Variants in NLGN1 observed in about 807,000 individuals in gnomAD.
NLGN1 encodes neuroligin 1, also known as neuroligin-1.
In NLGN1, 12 loss-of-function variants were observed where a neutral mutation model predicts 65.5. The ratio of observed to expected loss-of-function variants is 0.18; its 90% CI spans 0.12 to 0.30. The LOEUF is 0.30. NLGN1 is among the 10% of genes least tolerant of loss of function. NLGN1 has a pLI of 1.00. For synonymous variants in NLGN1, 350 were observed against 359.5 expected, an observed-to-expected ratio of 0.97 and a Z score of 0.30; for missense variants, 750 against 1,007.1, an observed-to-expected ratio of 0.74 and a Z score of 3.46.
intron 3 of NLGN1, among the ~76,000 whole-genome samples, chr3:173,707,800 C>T (rs1340936463): frequency 6.6e-6 from 1 of 152,152 alleles, no homozygotes; most frequent in Non-Finnish European, 1.5e-5. Context: ...AGCTTGCCTG[C>T]TGCCAATATT....
At chr3:173,696,114 A>G (rs747192921) in intron 3 of NLGN1, among the ~76,000 whole-genome samples, 7 of 152,190 alleles carry the variant, frequency 4.6e-5, no homozygotes, top group Non-Finnish European at 7.3e-5. Flanking sequence ...GCCTGGCCTT[A>G]TTTATAATTC....
intron 4 of NLGN1, among the ~76,000 whole-genome samples, chr3:174,124,722 G>A (rs573312441): frequency 8.8e-5 from 13 of 148,554 alleles, no homozygotes; most frequent in South Asian, 2.1e-4. Context: ...ATATTTATAC[G>A]TATATGTGTA....
chr3:173,499,642 G>T (rs959539749), intron 2 of NLGN1, among the ~76,000 whole-genome samples: 1 of 151,710 alleles, frequency 6.6e-6, no homozygotes, highest in African/African-American at 2.4e-5. Context: ...AAATTACCTC[G>T]GGCAGTGTGG....
chr3:173,569,403 A>AT (rs1039185647), intron 2 of NLGN1, among the ~76,000 whole-genome samples: 1 of 151,890 alleles, frequency 6.6e-6, no homozygotes, highest in African/African-American at 2.4e-5. Flanking sequence ...GCTTTTATTA[A>AT]TTTTTTTAAA....
At chr3:173,451,966 C>G (rs1268532951) in intron 2 of NLGN1, among the ~76,000 whole-genome samples, 1 of 152,176 alleles carries the variant, frequency 6.6e-6, no homozygotes, top group African/African-American at 2.4e-5. Context: ...TCACCTGTTT[C>G]TTTGACTAGG....
chr3:174,063,316 G>C (rs1252355178), intron 4 of NLGN1, among the ~76,000 whole-genome samples: 1 of 152,128 alleles, frequency 6.6e-6, no homozygotes, highest in African/African-American at 2.4e-5. Flanking sequence ...AACTGGCAAA[G>C]TTCATCACTG....
At chr3:173,897,924 G>T (rs1225438270) in intron 4 of NLGN1, among the ~76,000 whole-genome samples, 2 of 152,100 alleles carry the variant, frequency 1.3e-5, no homozygotes, top group Non-Finnish European at 2.9e-5. Context: ...ATTTGTAAAA[G>T]CCATGGTGTA....
rs547440255 is a variant in NLGN1, at chr3:173,653,844, T to A, written c.493+48753T>A. Among the ~76,000 whole-genome samples, 12 of 152,158 alleles carry A rather than the reference T, an allele frequency of 7.9e-5. No homozygotes were observed. The East Asian group carries it at 2.3e-3, about 29-fold the overall frequency. ...CCTCAGTTTTAGGAACTGAGGAAGT[T>A]CCTTTCTAGCAACCTCTTAGGACCC... On this transcript the variant is annotated intron_variant, in intron 3 of 6. Transcript: ENST00000457714.
At chr3:174,016,365 G>C (rs1461402606) in intron 4 of NLGN1, among the ~76,000 whole-genome samples, 1 of 152,208 alleles carries the variant, frequency 6.6e-6, no homozygotes, top group African/African-American at 2.4e-5. Flanking sequence ...TACTCAGACT[G>C]TCTTATGACT....
At chr3:173,571,953 T>C (rs1347538400) in intron 2 of NLGN1, among the ~76,000 whole-genome samples, 4 of 152,220 alleles carry the variant, frequency 2.6e-5, no homozygotes, top group Non-Finnish European at 1.5e-5. Flanking sequence ...TTTCTACAAA[T>C]ATTACAGCCA....
chr3:173,507,190 GAATT>G (rs1188030135), intron 2 of NLGN1, among the ~76,000 whole-genome samples: 8 of 152,056 alleles, frequency 5.3e-5, no homozygotes, highest in Admixed American at 5.3e-4. Context: ...TGATGAGAAA[GAATT>G]AACCTCAGGT....
At chr3:173,830,378 G>A (rs1722292363) in intron 4 of NLGN1, among the ~76,000 whole-genome samples, 1 of 152,128 alleles carries the variant, frequency 6.6e-6, no homozygotes, top group Non-Finnish European at 1.5e-5. Flanking sequence ...TAAACAATAG[G>A]TTAGTGGCTT....
At chr3:173,511,157 T>C (rs59751055) in intron 2 of NLGN1, among the ~76,000 whole-genome samples, 1,974 of 152,310 alleles carry the variant, frequency 0.013, 39 homozygotes, top group African/African-American at 0.045. Context: ...CAGCTATTCC[T>C]TTAGACCAGT....
intron 2 of NLGN1, among the ~76,000 whole-genome samples, chr3:173,517,206 T>G (rs1733949845): frequency 6.6e-6 from 1 of 152,078 alleles, no homozygotes; most frequent in Admixed American, 6.6e-5. Flanking sequence ...TATCTATCTC[T>G]TCCAGTATGA....
At chr3:173,794,899 C>T (rs1175108287) in intron 3 of NLGN1, among the ~76,000 whole-genome samples, 1 of 152,066 alleles carries the variant, frequency 6.6e-6, no homozygotes, top group Non-Finnish European at 1.5e-5. Flanking sequence ...TACAAATGAG[C>T]TCTTCTCAGT....
intron 4 of NLGN1, among the ~76,000 whole-genome samples, chr3:173,943,439 G>A (rs1374828815): frequency 1.3e-5 from 2 of 152,158 alleles, no homozygotes; most frequent in Admixed American, 6.6e-5. Flanking sequence ...TAGAAAACAA[G>A]TGAGTTCAGG....
At chr3:174,038,991 G>C (rs1299487965) in intron 4 of NLGN1, among the ~76,000 whole-genome samples, 2 of 152,178 alleles carry the variant, frequency 1.3e-5, no homozygotes, top group Non-Finnish European at 2.9e-5. Context: ...GAAAGAACAT[G>C]TGGTGTTTTC....
At chr3:173,775,123 A>C (rs1560342985) in intron 3 of NLGN1, among the ~76,000 whole-genome samples, 1 of 151,776 alleles carries the variant, frequency 6.6e-6, no homozygotes, top group African/African-American at 2.4e-5. Flanking sequence ...AAATTAGTAC[A>C]ATCAAATATG....
chr3:173,997,206 G>T (rs6807992), intron 4 of NLGN1, among the ~76,000 whole-genome samples: 1 of 151,752 alleles, frequency 6.6e-6, no homozygotes, highest in Non-Finnish European at 1.5e-5. Flanking sequence ...AATTATTTTT[G>T]AAACATAATT....
Sources: gnomAD v4.1 joint callset for allele counts (sites outside exome capture counted in the v4.1 genomes callset) on GRCh38, gnomAD v4.1.1 for gene constraint, MANE v1.5 for transcripts, NCBI Gene and HGNC (gene_info 2026-07-23, HGNC 2026-07-21) for gene names.